Variants in PTPRO observed in about 807,000 individuals in gnomAD.
PTPRO encodes protein tyrosine phosphatase receptor type O, also known as receptor-type tyrosine-protein phosphatase O.
Under a neutral mutation model 145.2 loss-of-function variants are expected in PTPRO, and 62 were observed. The observed-to-expected ratio is 0.43, with a 90% confidence interval of 0.35 to 0.53. The LOEUF (loss-of-function observed/expected upper bound fraction) is 0.53. Ranked by LOEUF, PTPRO falls within the 20% of genes least tolerant of loss-of-function variation. The probability of loss-of-function intolerance (pLI) is 0.01; values close to 1 mark genes in which losing one functional copy is unlikely to be tolerated. For synonymous variants in PTPRO, 565 were observed against 514.7 expected, an observed-to-expected ratio of 1.10 and a Z score of -1.32; for missense variants, 1,345 against 1,482.7, an observed-to-expected ratio of 0.91 and a Z score of 1.53.
At chr12:15,438,096 A>G (rs762838210) in intron 1 of PTPRO, among the ~76,000 whole-genome samples, 6 of 152,260 alleles carry the variant, frequency 3.9e-5, no homozygotes, top group Non-Finnish European at 5.9e-5. Context: ...ATACTGCTAT[A>G]GAAGAAAAAC....
intron 17 of PTPRO, among the ~76,000 whole-genome samples, chr12:15,563,258 C>A (rs564507313): frequency 1.3e-5 from 2 of 152,158 alleles, no homozygotes; most frequent in Non-Finnish European, 2.9e-5. Context: ...TTTGGAAAAT[C>A]TTTTGCAATG....
chr12:15,409,959 C>T (rs189561001), intron 1 of PTPRO, among the ~76,000 whole-genome samples: 3 of 152,114 alleles, frequency 2.0e-5, no homozygotes, highest in East Asian at 1.9e-4. Flanking sequence ...ACTATGTCAC[C>T]GTGTTACCCT....
chr12:15,556,508 G>GAA (rs75654902), intron 15 of PTPRO, among the ~76,000 whole-genome samples: 7 of 135,460 alleles, frequency 5.2e-5, no homozygotes, highest in Admixed American at 7.4e-5. Flanking sequence ...TCTACTTCTG[G>GAA]AAAAAAAAAA....
intron 7 of PTPRO, among the ~76,000 whole-genome samples, chr12:15,513,386 T>A (rs527745804): frequency 5.1e-4 from 77 of 152,158 alleles, no homozygotes; most frequent in South Asian, 8.3e-4. Context: ...CTAAAACTTG[T>A]GCAAGAAACC....
chr12:15,457,018 CT>C (rs528671228), intron 1 of PTPRO, among the ~76,000 whole-genome samples: 4 of 151,626 alleles, frequency 2.6e-5, no homozygotes, highest in African/African-American at 9.7e-5. Context: ...TTAATGTATT[CT>C]TTTTCTGGTT....
At chr12:15,358,091 A>G (rs1938054493) in intron 1 of PTPRO, among the ~76,000 whole-genome samples, 1 of 151,726 alleles carries the variant, frequency 6.6e-6, no homozygotes, top group South Asian at 2.1e-4. Flanking sequence ...TTGTAGGGAC[A>G]TGGATGAAAT....
rs113469148 is a variant in PTPRO at position 15,590,842 on chromosome 12, G to C, written c.3546+1252G>C. Among the ~76,000 whole-genome samples the C allele has an allele frequency of 4.1e-3, 617 of 152,286 alleles. 12 individuals are homozygous for C. Among genetic ancestry groups the C allele is most frequent in the African/African-American group, 0.014 (594 of 41,566 alleles). On this transcript the variant is annotated intron_variant, in intron 25 of 26. Coordinates refer to ENST00000281171, the MANE Select transcript of PTPRO (RefSeq NM_030667.3). ...CATCAGTATCACTTTTTAATCATAAGTTTAAAATGTCTGGTTTCCCAGAGG... is the reference window on the plus strand; with the variant it reads ...CATCAGTATCACTTTTTAATCATAACTTTAAAATGTCTGGTTTCCCAGAGG...
chr12:15,378,274 C>T (rs1045989422), intron 1 of PTPRO, among the ~76,000 whole-genome samples: 2 of 151,820 alleles, frequency 1.3e-5, no homozygotes, highest in African/African-American at 4.8e-5. Context: ...ATAGAGCATA[C>T]TCAGATTACT....
At chr12:15,508,319 A>C (rs969638904) in intron 6 of PTPRO, among the ~76,000 whole-genome samples, 3 of 152,186 alleles carry the variant, frequency 2.0e-5, no homozygotes, top group African/African-American at 4.8e-5. Flanking sequence ...ATACTCTCAC[A>C]TGCACACGAT....
intron 1 of PTPRO, among the ~76,000 whole-genome samples, chr12:15,333,914 C>T (rs1027428292): frequency 3.9e-5 from 6 of 152,120 alleles, no homozygotes; most frequent in African/African-American, 1.4e-4. Flanking sequence ...CTTTTCTGAT[C>T]ATTTATTCTC....
At chr12:15,362,839 A>G (rs1938251610) in intron 1 of PTPRO, among the ~76,000 whole-genome samples, 1 of 152,220 alleles carries the variant, frequency 6.6e-6, no homozygotes, top group Admixed American at 6.5e-5. Flanking sequence ...ACCTTTTTTT[A>G]AAGAAATGTA....
intron 14 of PTPRO, among the ~76,000 whole-genome samples, chr12:15,550,485 T>C (rs1313054043): frequency 3.3e-5 from 5 of 152,208 alleles, no homozygotes; most frequent in African/African-American, 1.2e-4. Flanking sequence ...TGTACCTTAA[T>C]GTCCATCATT....
Position 15,515,590 on chromosome 12 carries a change from A to G in PTPRO, c.1557A>G (p.Pro519=), listed in dbSNP as rs1268191824. The change falls in exon 8 of 27, where the codon CCA becomes CCG. Residue 519 remains proline (P), a synonymous_variant. Transcript: ENST00000281171. ...TAAGGAAAGGCCCTTTGATTGGACC[A>G]CCTTCAGATCCTGTGACATTTGCTA... ...IYLRKGPLIG[P]PSDPVTFAIV... 3 of 1,614,040 alleles carry G rather than the reference A, an allele frequency of 1.9e-6. No homozygotes were observed. The highest frequency in any genetic ancestry group is 2.5e-6 in the Non-Finnish European group (3 of 1,179,968).
At position 15,520,230 on chromosome 12, in the gene PTPRO, C is replaced by T. The variant is rs775534064; in HGVS notation, c.1809C>T (p.Tyr603=). The change falls in exon 10 of 27, where the codon TAC becomes TAT. Residue 603 remains tyrosine (Y), a synonymous_variant. Transcript: ENST00000281171. ...TAGCTAATCTGCTGCCAGCATGGTA[C>T]TACAACTTCCGGGTTACCATGGTGA... The part of the protein sequence containing the change: ...VRIANLLPAW[Y]YNFRVTMVTW... 4 of 1,613,774 alleles carry T rather than the reference C, an allele frequency of 2.5e-6. No individual in the cohort carries two copies. The highest frequency in any genetic ancestry group is 2.7e-5 in the African/African-American group (2 of 74,898).
intron 1 of PTPRO, among the ~76,000 whole-genome samples, chr12:15,335,253 A>T (rs759007668): frequency 4.5e-4 from 69 of 152,098 alleles, no homozygotes; most frequent in Non-Finnish European, 7.4e-4. Flanking sequence ...TAGGAAAAAA[A>T]ATTGGCTTCT....
chr12:15,484,353 C>A, intron 2 of PTPRO, 106 bp downstream of exon 2: 1 of 1,275,330 alleles, frequency 7.8e-7, no homozygotes, highest in Non-Finnish European at 1.1e-6. Flanking sequence ...AATCACTTGC[C>A]TTAATGCCAA....
chr12:15,557,534 T>C lies in PTPRO; in HGVS notation c.2627+11T>C. The C allele has an allele frequency of 6.2e-7, 1 of 1,610,624 alleles. No individual in the cohort carries two copies. Among genetic ancestry groups the C allele is most frequent in the African/African-American group, 1.3e-5 (1 of 74,954 alleles). On this transcript the variant is annotated intron_variant, in intron 16 of 26. Coordinates refer to ENST00000281171, the MANE Select transcript of PTPRO (RefSeq NM_030667.3). ...GCTTCCATACAACTGGTGAGTATTG[T>C]TTTGGAACAAGCTTCTACATAGTTT...
chr12:15,569,392 GT>G lies in PTPRO; in HGVS notation c.2748-24del, dbSNP rs764718983. ...TATCAACAAGAATTTTAAAATGTATGTATATTTCTTTGTGTTTGGCAAAGCC... is the reference window on the plus strand; with the variant it reads ...TATCAACAAGAATTTTAAAATGTATGATATTTCTTTGTGTTTGGCAAAGCC... On this transcript the variant is annotated intron_variant, in intron 18 of 26. Coordinates refer to ENST00000281171, the MANE Select transcript of PTPRO (RefSeq NM_030667.3). The G allele has an allele frequency of 7.1e-6, 11 of 1,555,948 alleles. No homozygotes were observed. The South Asian group carries it at 1.0e-4, about 14-fold the overall frequency.
chr12:15,434,691 T>C (rs1390968283), intron 1 of PTPRO, among the ~76,000 whole-genome samples: 2 of 152,174 alleles, frequency 1.3e-5, no homozygotes, highest in Non-Finnish European at 2.9e-5. Context: ...TTGGTTGATG[T>C]TTCTCAAAAA....
Sources: allele counts gnomAD v4.1 joint callset (sites outside exome capture counted in the v4.1 genomes callset), GRCh38; gene constraint gnomAD v4.1.1; transcripts MANE v1.5; gene names NCBI Gene and HGNC (gene_info 2026-07-23, HGNC 2026-07-21).